VPS26B: variants seen among roughly 807,000 people sequenced by gnomAD.
VPS26B encodes the protein vacuolar protein sorting-associated protein 26B.
Under a neutral mutation model 33.3 loss-of-function variants are expected in VPS26B, and 10 were observed. That is an observed-to-expected ratio of 0.30 (90% CI 0.19 to 0.51). The LOEUF (loss-of-function observed/expected upper bound fraction) is 0.51, where lower values mean the gene tolerates loss of function less well. VPS26B is among the 20% of genes least tolerant of loss of function. The pLI is 0.98. For synonymous variants in VPS26B, 190 were observed against 176.9 expected (o/e 1.07, Z -0.59); for missense variants, 317 against 452.7 (o/e 0.70, Z 2.72).
intron 2 of VPS26B, 122 bp downstream of exon 2, chr11:134,235,175 C>A: frequency 7.9e-7 from 1 of 1,266,624 alleles, no homozygotes; most frequent in Non-Finnish European, 1.1e-6. Context: ...GTGTCGCGAG[C>A]TGTGGCGTGC....
intron 1 of VPS26B, 41 bp downstream of exon 1, chr11:134,225,386 C>T (rs1938431543): frequency 1.9e-6 from 3 of 1,601,190 alleles, no homozygotes; most frequent in Non-Finnish European, 2.6e-6. Flanking sequence ...GCGCCGACAG[C>T]CGGCCGGGGA....
At chr11:134,243,418 A>G in intron 4 of VPS26B, 124 bp downstream of exon 4, 1 of 1,195,906 alleles carries the variant, frequency 8.4e-7, no homozygotes. Flanking sequence ...TAACTTCTTA[A>G]TCTCTCAGTT....
intron 1 of VPS26B, among the ~76,000 whole-genome samples, chr11:134,231,806 AC>A (rs1175011708): frequency 1.3e-5 from 2 of 151,998 alleles, no homozygotes; most frequent in African/African-American, 4.8e-5. Flanking sequence ...CTCGTGATCC[AC>A]CCGCCTTGGC....
chr11:134,225,112 C>T lies in VPS26B; in HGVS notation c.-11C>T, dbSNP rs550972156. 3 of 1,593,150 alleles carry T rather than the reference C, an allele frequency of 1.9e-6. No individual in the cohort carries two copies. In the South Asian group the frequency reaches 3.4e-5, roughly 18 times the overall value. On this transcript the variant is annotated 5_prime_UTR_variant, in exon 1 of 6. Transcript: ENST00000281187. ...CGGTCCTTACCGAGACCCGCCCGGC[C>T]CGGCGGTGCGATGAGCTTCTTCGGC... is the stretch of plus-strand genomic sequence containing the variant.
rs142595995 is a variant in VPS26B at position 134,245,437 on chromosome 11, T to C, written c.865-7T>C. ...GGTGTCACATTGCCCCCCTTTCAATTCTGCAGGAAGTGGTGTTGTGGCGGA... is the reference window on the plus strand; with the variant it reads ...GGTGTCACATTGCCCCCCTTTCAATCCTGCAGGAAGTGGTGTTGTGGCGGA... On this transcript the variant is annotated splice_region_variant and splice_polypyrimidine_tract_variant and intron_variant, in intron 5 of 5. Coordinates refer to ENST00000281187, the MANE Select transcript of VPS26B (RefSeq NM_052875.5). This position sits in a 1 kb window ranked among gnomAD's most constrained non-coding sequence, Gnocchi z 4.7. The C allele has an allele frequency of 1.6e-3, 2,562 of 1,613,894 alleles. 36 individuals carry two copies. In the African/African-American group the frequency reaches 0.03, roughly 19 times the overall value.
At chr11:134,228,079 T>C (rs1447743672) in intron 1 of VPS26B, among the ~76,000 whole-genome samples, 3 of 152,260 alleles carry the variant, frequency 2.0e-5, no homozygotes, top group Non-Finnish European at 4.4e-5. Context: ...GACATGGAAG[T>C]AGAATAACAC....
chr11:134,245,453 T>G lies in VPS26B; in HGVS notation c.874T>G (p.Leu292Val), dbSNP rs774980807. 62 of 1,613,852 alleles carry G rather than the reference T, an allele frequency of 3.8e-5. No homozygotes were observed. Among genetic ancestry groups the G allele is most frequent in the Non-Finnish European group, 4.7e-5 (56 of 1,179,886 alleles). The change falls in exon 6 of 6, where the codon TTG (leucine) becomes GTG (valine). Residue 292 changes from leucine (L) to valine (V), a missense_variant. By Grantham distance (32) the Leu-to-Val change is conservative. Transcript: ENST00000281187. The surrounding 1 kb of genome is among the most constrained non-coding windows in gnomAD (Gnocchi z 4.7). ...CCTTTCAATTCTGCAGGAAGTGGTG[T>G]TGTGGCGGAAGGGTGACATCGTACG... ...RRYFKQQEVV[L>V]WRKGDIVRKS...
chr11:134,228,473 A>G (rs1024352616), intron 1 of VPS26B, among the ~76,000 whole-genome samples: 1 of 145,614 alleles, frequency 6.9e-6, no homozygotes, highest in Admixed American at 6.8e-5. Flanking sequence ...CTTAGACAAT[A>G]TGTTTCTTAT....
chr11:134,240,432 A>T lies in VPS26B; in HGVS notation c.545+277A>T, dbSNP rs1938699557. On this transcript the variant is annotated intron_variant, in intron 3 of 5. Transcript: ENST00000281187. The surrounding 1 kb of genome is among the most constrained non-coding windows in gnomAD (Gnocchi z 4.4). ...CTATGATGCCTCTCAGTCAAGCTAA[A>T]CTAACTTGAGGTTATTTGTTTTGGA... Among the ~76,000 whole-genome samples, 1 of 152,208 alleles carries T rather than the reference A, an allele frequency of 6.6e-6. No homozygotes were observed. Among genetic ancestry groups the T allele is most frequent in the Admixed American group, 6.5e-5 (1 of 15,288 alleles).
In VPS26B at chr11:134,240,048, C is replaced by T. The variant is rs777087174; in HGVS notation, c.438C>T (p.Asp146=). 2.5e-6 allele frequency: 4 copies of T among 1,614,184 alleles called. No homozygotes were observed. The East Asian group carries it at 6.7e-5, about 27-fold the overall frequency. ...RRLNDVVKEM[D]IVVHTLSTYP... is the part of the protein sequence containing the mutation. ...TCAATGATGTTGTCAAAGAGATGGACATTGTAGTTCACACACTCAGCACAT... is the reference window on the plus strand; with the variant it reads ...TCAATGATGTTGTCAAAGAGATGGATATTGTAGTTCACACACTCAGCACAT... The change falls in exon 3 of 6, where the codon GAC becomes GAT. Residue 146 remains aspartate (D), a synonymous_variant. Coordinates refer to ENST00000281187, the MANE Select transcript of VPS26B (RefSeq NM_052875.5). This position sits in a 1 kb window ranked among gnomAD's most constrained non-coding sequence, Gnocchi z 4.4.
At chr11:134,230,544 C>T (rs1343803429) in intron 1 of VPS26B, among the ~76,000 whole-genome samples, 1 of 152,224 alleles carries the variant, frequency 6.6e-6, no homozygotes, top group Non-Finnish European at 1.5e-5. Context: ...GACTCTCCAG[C>T]TGGTGTGCCC....
chr11:134,243,180 A>G lies in VPS26B; in HGVS notation c.607A>G (p.Lys203Glu). 1 of 1,614,196 alleles carries G rather than the reference A, an allele frequency of 6.2e-7. No individual in the cohort carries two copies. The change falls in exon 4 of 6, where the codon AAG becomes GAG. Residue 203 changes from lysine (K) to glutamate (E), a missense_variant. Lys to Glu is a moderately conservative substitution (Grantham distance 56). Transcript: ENST00000281187. ...CTTCCTGCTGGTGAGAATCAAAATC[A>G]AGCACATGGAGATAGACATCATCAA... is the stretch of plus-strand genomic sequence containing the variant. ...IYFLLVRIKI[K>E]HMEIDIIKRE...
chr11:134,238,737 A>G (rs1400668472), intron 2 of VPS26B, among the ~76,000 whole-genome samples: 1 of 151,932 alleles, frequency 6.6e-6, no homozygotes, highest in East Asian at 1.9e-4. Flanking sequence ...CTGGGACTAC[A>G]GGCGCCCGCC....
intron 2 of VPS26B, among the ~76,000 whole-genome samples, chr11:134,237,237 G>A (rs1201107387): frequency 1.3e-5 from 2 of 152,220 alleles, no homozygotes; most frequent in African/African-American, 4.8e-5. Flanking sequence ...TGGGAAGAGT[G>A]TAGAGACAAA....
intron 1 of VPS26B, 147 bp downstream of exon 1, chr11:134,225,492 C>T (rs1253761480): frequency 1.3e-6 from 1 of 780,680 alleles, no homozygotes; most frequent in Admixed American, 2.2e-5. Context: ...AAGTCCCGCC[C>T]GTGGGCGACT....
At position 134,225,341 on chromosome 11, in the gene VPS26B, G is replaced by T; in HGVS notation, c.219G>T (p.Gln73His). 5.0e-6 allele frequency: 8 copies of T among 1,613,692 alleles called. No individual in the cohort carries two copies. The highest frequency in any genetic ancestry group is 6.8e-6 in the Non-Finnish European group (8 of 1,179,832). Residue 73 changes from glutamine to histidine, a missense_variant, in exon 1 of 6, where the codon CAG (glutamine) becomes CAT (histidine). By Grantham distance (24) the Gln-to-His change is conservative. Coordinates refer to ENST00000281187, the MANE Select transcript of VPS26B (RefSeq NM_052875.5). ...HQGIKIEFIG[Q>H]IELYYDRGNH... ...GCATCAAGATCGAGTTCATCGGGCA[G>T]ATCGGTGAGTCGACCCCCGGGACCC...
rs562136526 is a variant in VPS26B, at chr11:134,224,897, C to A, written c.-226C>A. 3.6e-3 allele frequency: 688 copies of A among 192,026 alleles called. 4 individuals are homozygous for A. Among genetic ancestry groups the A allele is most frequent in the African/African-American group, 0.015 (654 of 42,386 alleles). 11.9% of individuals were successfully genotyped at this position (192,026 alleles called of 1,614,324 possible). On this transcript the variant is annotated 5_prime_UTR_variant, in exon 1 of 6. Transcript: ENST00000281187. ...CACTGCTCCTCGGTGCATTGCTGCT[C>A]GGGCGCCGCAGCCCGCAGCCGCCAG...
At chr11:134,230,160 A>C (rs1368433929) in intron 1 of VPS26B, among the ~76,000 whole-genome samples, 2 of 152,160 alleles carry the variant, frequency 1.3e-5, no homozygotes, top group African/African-American at 4.8e-5. Context: ...CGGGTATGAC[A>C]AGCTTGTGAC....
chr11:134,233,648 C>A (rs534287224), intron 1 of VPS26B, among the ~76,000 whole-genome samples: 25 of 152,248 alleles, frequency 1.6e-4, no homozygotes, highest in Non-Finnish European at 3.1e-4. Context: ...TTGCTTGAAC[C>A]CAGGAGGCGG....
Sources: allele counts gnomAD v4.1 joint callset (sites outside exome capture counted in the v4.1 genomes callset), GRCh38; gene constraint gnomAD v4.1.1; non-coding constraint Gnocchi (gnomAD v3.1); transcripts MANE v1.5; gene names NCBI Gene and HGNC (gene_info 2026-07-23, HGNC 2026-07-21).